The following CD5 variants were observed in gnomAD, a reference collection of about 807,000 sequenced individuals.
CD5 encodes the protein T-cell surface glycoprotein CD5.
CD5 carries 36 observed loss-of-function variants against 60.3 expected under a neutral mutation model. That is an observed-to-expected ratio of 0.60 (90% CI 0.46 to 0.79). The LOEUF is 0.79. CD5 is among the 30% of genes least tolerant of loss of function. The probability of loss-of-function intolerance (pLI) is 0.00; values close to 1 mark genes in which losing one functional copy is unlikely to be tolerated. For synonymous variants in CD5, 230 were observed against 257.6 expected (o/e 0.89, Z 1.03); for missense variants, 540 against 630.6 (o/e 0.86, Z 1.54).
upstream of CD5, among the ~76,000 whole-genome samples, chr11:61,098,896 G>A (rs1590762145): frequency 6.6e-6 from 1 of 152,222 alleles, no homozygotes; most frequent in African/African-American, 2.4e-5. Flanking sequence ...CCAGCCCAGG[G>A]ATGGGGAGGC....
chr11:61,095,385 C>T, the CD5 span, among the ~76,000 whole-genome samples: 1 of 152,158 alleles, frequency 6.6e-6, no homozygotes, highest in Non-Finnish European at 1.5e-5. Flanking sequence ...TGTGTATCAA[C>T]CTTTTACCTC....
the CD5 span, among the ~76,000 whole-genome samples, chr11:61,096,105 A>G: frequency 6.6e-6 from 1 of 152,252 alleles, no homozygotes; most frequent in Non-Finnish European, 1.5e-5. Flanking sequence ...CTTACTGGCC[A>G]TGGCCATTAT....
rs1861132087 is a variant in CD5, at chr11:61,125,287, AT to A, written c.1399+137del. On this transcript the variant is annotated intron_variant, in intron 9 of 10. Transcript: ENST00000347785. ...ACCCCAGGGTGCAAGGGGATCAAACATCGCAGGATGCAGCAGGGGTACGGAA... is the reference window on the plus strand; with the variant it reads ...ACCCCAGGGTGCAAGGGGATCAAACACGCAGGATGCAGCAGGGGTACGGAA... 6.3e-6 allele frequency: 6 copies of A among 945,482 alleles called. No individual in the cohort carries two copies. The East Asian group carries it at 7.9e-5, about 12-fold the overall frequency. 58.6% of individuals were successfully genotyped at this position (945,482 alleles called of 1,614,324 possible). A position where few individuals can be genotyped will look rare whatever the true frequency, so the allele number is the denominator to read the frequency against.
chr11:61,120,107 G>A (rs561581961), intron 5 of CD5, among the ~76,000 whole-genome samples: 6 of 152,254 alleles, frequency 3.9e-5, no homozygotes, highest in South Asian at 2.1e-4. Flanking sequence ...GTCCTGCGCC[G>A]TGTGCTGACA....
chr11:61,096,975 C>T, the CD5 span, among the ~76,000 whole-genome samples: 583 of 152,270 alleles, frequency 3.8e-3, 1 homozygote, highest in Non-Finnish European at 6.0e-3. Flanking sequence ...CCAGTCTCCA[C>T]GGAACACCCC....
intron 1 of CD5, among the ~76,000 whole-genome samples, chr11:61,109,455 T>C (rs1860820988): frequency 6.6e-6 from 1 of 152,146 alleles, no homozygotes; most frequent in South Asian, 2.1e-4. Context: ...CAGGATGTCC[T>C]ATTTTTCAAA....
intron 1 of CD5, among the ~76,000 whole-genome samples, chr11:61,106,330 G>T (rs1224101397): frequency 6.6e-6 from 1 of 152,134 alleles, no homozygotes; most frequent in Non-Finnish European, 1.5e-5. Context: ...GACGGAGCCA[G>T]CCAGGCAGAG....
chr11:61,119,296 T>C lies in CD5; in HGVS notation c.526T>C (p.Phe176Leu). ...GGQHCAGVVE[F>L]YSGSLGGTIS... ...CCAGCACTGTGCCGGCGTGGTGGAGTTCTACAGCGGCAGCCTGGGGGGTAC... is the reference window on the plus strand; with the variant it reads ...CCAGCACTGTGCCGGCGTGGTGGAGCTCTACAGCGGCAGCCTGGGGGGTAC... Residue 176 changes from phenylalanine to leucine, a missense_variant, in exon 5 of 11, where the codon TTC (phenylalanine) becomes CTC (leucine). Transcript: ENST00000347785. 1 of 1,612,866 alleles carries C rather than the reference T, an allele frequency of 6.2e-7. No individual in the cohort carries two copies. The highest frequency in any genetic ancestry group is 8.5e-7 in the Non-Finnish European group (1 of 1,179,834).
chr11:61,106,712 G>T (rs946918224), intron 1 of CD5, among the ~76,000 whole-genome samples: 3 of 152,154 alleles, frequency 2.0e-5, no homozygotes, highest in African/African-American at 7.2e-5. Context: ...TCCATGTGCT[G>T]TGTTTGCGTA....
the CD5 span, among the ~76,000 whole-genome samples, chr11:61,097,384 T>C: frequency 2.6e-5 from 4 of 152,172 alleles, no homozygotes; most frequent in African/African-American, 9.7e-5. Context: ...ACTCACCCCG[T>C]AGGACGACTT....
In CD5 at chr11:61,106,224, G is replaced by A. The variant is rs763332263; in HGVS notation, c.55+3609G>A. ...AAGTTCCTCAGGCACAATACAGTCT[G>A]CACTAGGATAGGAGGACATCCCTTT... On this transcript the variant is annotated intron_variant, in intron 1 of 10. Coordinates refer to ENST00000347785, the MANE Select transcript of CD5 (RefSeq NM_014207.4). Among the ~76,000 whole-genome samples, 6 of 152,044 alleles carry A rather than the reference G, an allele frequency of 3.9e-5. 1 individual carries two copies. In the South Asian group the frequency reaches 1.2e-3, roughly 32 times the overall value.
At chr11:61,102,023 T>C (rs1860700476), upstream of CD5, among the ~76,000 whole-genome samples, 1 of 151,896 alleles carries the variant, frequency 6.6e-6, no homozygotes, top group Admixed American at 6.6e-5. Flanking sequence ...CTGTGGAAAG[T>C]CAGCTCAAAC....
At chr11:61,109,689 G>A (rs1349641466) in intron 1 of CD5, among the ~76,000 whole-genome samples, 1 of 152,110 alleles carries the variant, frequency 6.6e-6, no homozygotes, top group African/African-American at 2.4e-5. Context: ...AGGGCAGGCA[G>A]GGCCAAAAAT....
At chr11:61,122,292 G>A (rs1355634534) in intron 6 of CD5, among the ~76,000 whole-genome samples, 1,189 of 78,188 alleles carry the variant, frequency 0.015, 21 homozygotes, top group African/African-American at 0.05. Flanking sequence ...GGATGGATTG[G>A]TGGGTGGGTG....
At position 61,118,393 on chromosome 11, in the gene CD5, A is replaced by G. The variant is rs1307246452; in HGVS notation, c.313A>G (p.Ile105Val). Reference protein sequence around the residue: ...FLVTYTPQSSIICYGQLGSFS... With the variant: ...FLVTYTPQSSVICYGQLGSFS... Reference sequence around the variant, plus strand: ...TGTCACCTACACACCTCAGAGCTCAATCATCTGCTACGGACAACTGGGCTC... The same window carrying G: ...TGTCACCTACACACCTCAGAGCTCAGTCATCTGCTACGGACAACTGGGCTC... The change falls in exon 3 of 11, where the codon ATC becomes GTC. Residue 105 changes from isoleucine to valine, a missense_variant. Physicochemically the swap from Ile to Val is conservative, Grantham distance 29 (BLOSUM62 3). Transcript: ENST00000347785. This position sits in a 1 kb window ranked among gnomAD's most constrained non-coding sequence, Gnocchi z 4.7. 2 of 1,614,098 alleles carry G rather than the reference A, an allele frequency of 1.2e-6. No individual in the cohort carries two copies. The highest frequency in any genetic ancestry group is 2.7e-5 in the African/African-American group (2 of 74,940).
upstream of CD5, among the ~76,000 whole-genome samples, chr11:61,101,887 T>A: frequency 1.5e-5 from 2 of 137,524 alleles, no homozygotes; most frequent in African/African-American, 2.8e-5. Flanking sequence ...ATCACACAAG[T>A]CAACATGGAG....
chr11:61,122,364 GTGGATGGATGATGGATGGATGGA>G (rs1392563682), intron 6 of CD5, among the ~76,000 whole-genome samples: 2 of 140,678 alleles, frequency 1.4e-5, no homozygotes, highest in Non-Finnish European at 3.1e-5. Flanking sequence ...CGGTGGGTGG[GTGGATGGATGATGGATGGATGGA>G]TGGATGGATG....
chr11:61,094,369 A>G, the CD5 span, among the ~76,000 whole-genome samples: 1 of 152,166 alleles, frequency 6.6e-6, no homozygotes, highest in East Asian at 1.9e-4. Flanking sequence ...AGCATGGCCC[A>G]ATCACCCATG....
the CD5 span, among the ~76,000 whole-genome samples, chr11:61,094,759 A>T: frequency 6.6e-6 from 1 of 152,120 alleles, no homozygotes; most frequent in Non-Finnish European, 1.5e-5. Flanking sequence ...ATGTTGAAAA[A>T]TTTCAAAAAG....
Sources: allele counts gnomAD v4.1 joint callset (sites outside exome capture counted in the v4.1 genomes callset), GRCh38; gene constraint gnomAD v4.1.1; non-coding constraint Gnocchi (gnomAD v3.1); transcripts MANE v1.5; gene names NCBI Gene and HGNC (gene_info 2026-07-23, HGNC 2026-07-21).